Variants in USP34 observed in about 807,000 individuals in gnomAD.
USP34 encodes ubiquitin carboxyl-terminal hydrolase 34.
In USP34, 70 loss-of-function variants were observed where a neutral mutation model predicts 460.3. The ratio of observed to expected loss-of-function variants is 0.15; its 90% CI spans 0.13 to 0.19. The LOEUF is 0.19. Ranked by LOEUF, USP34 falls within the 10% of genes least tolerant of loss-of-function variation. The pLI, the probability that USP34 is intolerant of heterozygous loss-of-function variation, is 1.00. For synonymous variants in USP34, 1,647 were observed against 1,405.3 expected (o/e 1.17, Z -3.85); for missense variants, 3,985 against 4,236.2 (o/e 0.94, Z 1.65).
chr2:61,437,555 C>A (rs543675662), intron 1 of USP34, among the ~76,000 whole-genome samples: 2 of 151,866 alleles, frequency 1.3e-5, no homozygotes, highest in African/African-American at 4.8e-5. Flanking sequence ...AGGCAGATCA[C>A]GAGGTCAGGA....
intron 72 of USP34, among the ~76,000 whole-genome samples, chr2:61,205,466 A>G (rs984572019): frequency 5.3e-5 from 8 of 152,184 alleles, no homozygotes; most frequent in African/African-American, 1.2e-4. Context: ...TATCCATGCT[A>G]TTTTGAGAAA....
intron 5 of USP34, among the ~76,000 whole-genome samples, chr2:61,385,337 G>A (rs556976460): frequency 4.6e-5 from 7 of 152,178 alleles, no homozygotes; most frequent in East Asian, 1.9e-4. Flanking sequence ...CAGAACTTAT[G>A]AAACTCATTC....
At chr2:61,323,454 G>C (rs1398830815) in intron 21 of USP34, among the ~76,000 whole-genome samples, 1 of 150,710 alleles carries the variant, frequency 6.6e-6, no homozygotes, top group Non-Finnish European at 1.5e-5. Flanking sequence ...GGCAGAGCTT[G>C]CAGGGAGCCG....
intron 5 of USP34, among the ~76,000 whole-genome samples, chr2:61,385,522 C>T (rs527495952): frequency 5.2e-4 from 78 of 150,672 alleles, no homozygotes; most frequent in African/African-American, 1.9e-3. Flanking sequence ...ATACAAAAAA[C>T]TTAGCCGGAC....
intron 75 of USP34, among the ~76,000 whole-genome samples, chr2:61,196,069 ATTTTTT>A (rs71403398): frequency 1.1e-3 from 45 of 41,574 alleles, no homozygotes; most frequent in East Asian, 9.3e-3. Flanking sequence ...ACCATGCACG[ATTTTTT>A]TTTTTTTTTT....
intron 30 of USP34, among the ~76,000 whole-genome samples, chr2:61,296,435 A>T (rs1290718334): frequency 2.0e-5 from 3 of 152,184 alleles, no homozygotes; most frequent in African/African-American, 4.8e-5. Context: ...AAGCACACAA[A>T]ACAAACACTG....
chr2:61,428,603 T>A (rs1054659466), intron 1 of USP34, among the ~76,000 whole-genome samples: 1 of 152,032 alleles, frequency 6.6e-6, no homozygotes, highest in Non-Finnish European at 1.5e-5. Context: ...GATCTAGCAA[T>A]AAAAGTATGG....
chr2:61,259,920 T>C, intron 43 of USP34, 144 bp from the exon 44 acceptor site: 1 of 622,626 alleles, frequency 1.6e-6, no homozygotes, highest in Non-Finnish European at 2.7e-6. Context: ...CACATTCAAT[T>C]CTTTAGTAAT....
intron 3 of USP34, among the ~76,000 whole-genome samples, chr2:61,401,752 G>T (rs1196838029): frequency 6.9e-6 from 1 of 145,606 alleles, no homozygotes; most frequent in Non-Finnish European, 1.5e-5. Flanking sequence ...TAGAGACAGC[G>T]TTTTACCGTG....
chr2:61,199,925 G>T (rs977353017), intron 75 of USP34: 3 of 152,320 alleles, frequency 2.0e-5, no homozygotes, highest in African/African-American at 7.2e-5. Flanking sequence ...TTTGAACTGT[G>T]AAGTATCTAT....
chr2:61,434,500 A>AGAC (rs1694760281), intron 1 of USP34, among the ~76,000 whole-genome samples: 1 of 152,198 alleles, frequency 6.6e-6, no homozygotes, highest in Admixed American at 6.5e-5. Context: ...CCAGCAAGCC[A>AGAC]GACCCCAAGT....
intron 41 of USP34, chr2:61,277,924 TGCCTGCCGCC>T: frequency 2.3e-6 from 1 of 442,868 alleles, no homozygotes; most frequent in Non-Finnish European, 4.0e-6. Context: ...ATTCTTTTTT[TGCCTGCCGCC>T]ATCCACATAA....
chr2:61,236,107 C>T, intron 55 of USP34, 34 bp from the exon 56 acceptor site: 1 of 1,595,310 alleles, frequency 6.3e-7, no homozygotes. Context: ...AAGCTTCAAT[C>T]ATTTTAAAGT....
intron 23 of USP34, among the ~76,000 whole-genome samples, chr2:61,315,572 A>G (rs1572927513): frequency 6.6e-6 from 1 of 151,926 alleles, no homozygotes; most frequent in Non-Finnish European, 1.5e-5. Flanking sequence ...ACAGGGTTTC[A>G]CCATGTTGGC....
chr2:61,452,178 A>T (rs965911675), intron 1 of USP34, among the ~76,000 whole-genome samples: 1 of 151,716 alleles, frequency 6.6e-6, no homozygotes, highest in Non-Finnish European at 1.5e-5. Context: ...CGTCTCAAAA[A>T]AAAAAAAAAA....
intron 2 of USP34, among the ~76,000 whole-genome samples, chr2:61,415,197 G>C (rs1449014295): frequency 6.6e-6 from 1 of 152,058 alleles, no homozygotes; most frequent in Non-Finnish European, 1.5e-5. Flanking sequence ...TGAATTATAA[G>C]GATGAGATCT....
In USP34 at chr2:61,466,200, A is replaced by C. The variant is rs989077292; in HGVS notation, c.43+4450T>G. 2.6e-5 allele frequency among the ~76,000 whole-genome samples: 4 copies of C among 151,938 alleles called. No individual in the cohort carries two copies. The East Asian group carries it at 5.8e-4, about 22-fold the overall frequency. ...AGCACTTTGGGAGGCCAAGGCGGGC[A>C]GATCACTTGAGTTCAAGAGTTCAAG... On this transcript the variant is annotated intron_variant, in intron 1 of 79. Coordinates refer to ENST00000398571, the MANE Select transcript of USP34 (RefSeq NM_014709.4).
In USP34 at chr2:61,348,763, T is replaced by C. The variant is rs1245661678; in HGVS notation, c.1667A>G (p.Asp556Gly). The change falls in exon 14 of 80, where the codon GAC (aspartate) becomes GGC (glycine). Residue 556 changes from aspartate to glycine, a missense_variant. Coordinates refer to ENST00000398571, the MANE Select transcript of USP34 (RefSeq NM_014709.4). ...AAAAACCTATTTTCATACCTCTGTGTCTGAAAGTCGTTGTTGCACATGTTT... is the reference window on the plus strand; with the variant it reads ...AAAAACCTATTTTCATACCTCTGTGCCTGAAAGTCGTTGTTGCACATGTTT... ...RTKHVQQRLS[D>G]TEESMQGSSD... 3 of 1,611,086 alleles carry C rather than the reference T, an allele frequency of 1.9e-6. No individual in the cohort carries two copies. In the Admixed American group the frequency reaches 5.1e-5, roughly 27 times the overall value.
chr2:61,241,433 A>G, intron 53 of USP34, 127 bp downstream of exon 53: 1 of 602,980 alleles, frequency 1.7e-6, no homozygotes, highest in Non-Finnish European at 2.8e-6. Flanking sequence ...GACTATTTGT[A>G]AATACTCTTA....
Sources: allele counts gnomAD v4.1 joint callset (sites outside exome capture counted in the v4.1 genomes callset), GRCh38; gene constraint gnomAD v4.1.1; transcripts MANE v1.5; gene names NCBI Gene and HGNC (gene_info 2026-07-23, HGNC 2026-07-21).